Variants in KIAA1549L observed in about 807,000 individuals in gnomAD.
KIAA1549L encodes KIAA1549 like, also known as UPF0606 protein KIAA1549L.
In KIAA1549L, 88 loss-of-function variants were observed where a neutral mutation model predicts 160.7. The ratio of observed to expected loss-of-function variants is 0.55; its 90% CI spans 0.46 to 0.65. The LOEUF (loss-of-function observed/expected upper bound fraction) is 0.65, where lower values mean the gene tolerates loss of function less well. Ranked by LOEUF, KIAA1549L falls within the 30% of genes least tolerant of loss-of-function variation. The pLI, the probability that KIAA1549L is intolerant of heterozygous loss-of-function variation, is 0.00. For missense variants in KIAA1549L, 2,258 were observed against 2,437.5 expected, an observed-to-expected ratio of 0.93 and a Z score of 1.55; for synonymous variants, 950 against 976.7, an observed-to-expected ratio of 0.97 and a Z score of 0.51.
At chr11:33,469,123 T>C (rs1046193081) in intron 1 of KIAA1549L, among the ~76,000 whole-genome samples, 14 of 152,190 alleles carry the variant, frequency 9.2e-5, no homozygotes, top group African/African-American at 3.1e-4. Context: ...GTTGTACAAC[T>C]ATCACCACGA....
At chr11:33,566,149 T>C (rs1288263025) in intron 8 of KIAA1549L, among the ~76,000 whole-genome samples, 1 of 151,948 alleles carries the variant, frequency 6.6e-6, no homozygotes, top group Admixed American at 6.5e-5. Context: ...TTCCAGAACT[T>C]TTTTGTCCCC....
intron 1 of KIAA1549L, among the ~76,000 whole-genome samples, chr11:33,459,893 A>G (rs868673779): frequency 0.012 from 1,662 of 142,096 alleles, 29 homozygotes; most frequent in African/African-American, 0.043. Context: ...CCCGGGAGGC[A>G]GAGCTTGCAG....
At position 33,478,456 on chromosome 11, in the gene KIAA1549L, G is replaced by T. The variant is rs905560528; in HGVS notation, c.239-63346G>T. ...AGGTTTTTTCAAGCTCTGCAGAGCT[G>T]TTATAACCACATGGAGCGGATTTCA... On this transcript the variant is annotated intron_variant, in intron 1 of 20. Transcript: ENST00000658780. 2.0e-5 allele frequency among the ~76,000 whole-genome samples: 3 copies of T among 152,230 alleles called. No homozygotes were observed. In the South Asian group the frequency reaches 6.2e-4, roughly 31 times the overall value.
chr11:33,459,308 T>G, intron 1 of KIAA1549L, among the ~76,000 whole-genome samples: 1 of 152,156 alleles, frequency 6.6e-6, no homozygotes, highest in East Asian at 1.9e-4. Flanking sequence ...CATCTTCAGG[T>G]GTGCATTTTG....
rs1483087715 is a variant in KIAA1549L, at chr11:33,397,643, C to T, written c.238+20754C>T. Among the ~76,000 whole-genome samples, 20 of 149,444 alleles carry T rather than the reference C, an allele frequency of 1.3e-4. No homozygotes were observed. In the East Asian group the frequency reaches 1.7e-3, roughly 12 times the overall value. On this transcript the variant is annotated intron_variant, in intron 1 of 20. Coordinates refer to ENST00000658780, the MANE Select transcript of KIAA1549L (RefSeq NM_012194.3). ...AGGAGAATCTCTTGAACTTGGGAGG[C>T]GGAGGTTGCGGTGAGCCAAGATCGC...
At chr11:33,429,122 C>T (rs1263204882) in intron 1 of KIAA1549L, among the ~76,000 whole-genome samples, 1 of 152,188 alleles carries the variant, frequency 6.6e-6, no homozygotes, top group African/African-American at 2.4e-5. Context: ...CAGGCACCCA[C>T]CACTACCCGC....
At chr11:33,470,060 T>A (rs1420020264) in intron 1 of KIAA1549L, among the ~76,000 whole-genome samples, 1 of 152,230 alleles carries the variant, frequency 6.6e-6, no homozygotes, top group Non-Finnish European at 1.5e-5. Context: ...TTGCTTGTAC[T>A]TTTGGTGTCA....
chr11:33,498,917 G>T (rs573972301), intron 1 of KIAA1549L, among the ~76,000 whole-genome samples: 2 of 152,340 alleles, frequency 1.3e-5, no homozygotes, highest in East Asian at 3.9e-4. Context: ...CAGTGATGGT[G>T]ATGGGGTGGG....
intron 16 of KIAA1549L, among the ~76,000 whole-genome samples, chr11:33,641,573 T>C (rs1851580288): frequency 6.4e-3 from 2 of 312 alleles, no homozygotes; most frequent in Admixed American, 0.016. Context: ...AATGGATCTG[T>C]ATATATATAT....
At chr11:33,397,150 G>A (rs1850392778) in intron 1 of KIAA1549L, among the ~76,000 whole-genome samples, 1 of 149,282 alleles carries the variant, frequency 6.7e-6, no homozygotes, top group African/African-American at 2.5e-5. Context: ...GGCCAATATG[G>A]TGAAACCCCG....
At chr11:33,428,828 G>T (rs1026455655) in intron 1 of KIAA1549L, among the ~76,000 whole-genome samples, 1 of 152,160 alleles carries the variant, frequency 6.6e-6, no homozygotes, top group Admixed American at 6.5e-5. Flanking sequence ...TAGTGGGATC[G>T]CTGGGTCAAA....
At chr11:33,630,192 AC>A (rs1564931737) in intron 16 of KIAA1549L, among the ~76,000 whole-genome samples, 1 of 151,948 alleles carries the variant, frequency 6.6e-6, no homozygotes. Flanking sequence ...AAGCTGTCAG[AC>A]CGGGACATTT....
At chr11:33,566,388 G>C (rs1273226275) in intron 8 of KIAA1549L, among the ~76,000 whole-genome samples, 1 of 152,186 alleles carries the variant, frequency 6.6e-6, no homozygotes, top group Non-Finnish European at 1.5e-5. Context: ...TTCTGTCTGG[G>C]GACAAGAGGT....
chr11:33,516,515 A>C (rs1853346692), intron 1 of KIAA1549L, among the ~76,000 whole-genome samples: 1 of 152,214 alleles, frequency 6.6e-6, no homozygotes, highest in Non-Finnish European at 1.5e-5. Context: ...CCAAATTACC[A>C]CAGCTATATC....
intron 15 of KIAA1549L, among the ~76,000 whole-genome samples, chr11:33,617,862 T>G (rs1850858436): frequency 6.6e-6 from 1 of 151,266 alleles, no homozygotes. Context: ...GATGGACGGA[T>G]GGACAGATGG....
intron 1 of KIAA1549L, among the ~76,000 whole-genome samples, chr11:33,480,481 C>G (rs1436025385): frequency 6.6e-6 from 1 of 152,124 alleles, no homozygotes; most frequent in Admixed American, 6.5e-5. Context: ...TGTGAACACT[C>G]GTGTACAAGT....
At chr11:33,654,525 G>C (rs1390922567) in intron 17 of KIAA1549L, among the ~76,000 whole-genome samples, 1 of 152,170 alleles carries the variant, frequency 6.6e-6, no homozygotes, top group Non-Finnish European at 1.5e-5. Context: ...TGCCTGAGCT[G>C]GGATCATTGC....
intron 1 of KIAA1549L, among the ~76,000 whole-genome samples, chr11:33,532,064 G>A (rs1432616742): frequency 6.6e-6 from 1 of 152,086 alleles, no homozygotes. Context: ...AGAGAGCCTC[G>A]GCTCTGGAGT....
At chr11:33,448,135 G>A (rs897835532) in intron 1 of KIAA1549L, among the ~76,000 whole-genome samples, 1 of 152,152 alleles carries the variant, frequency 6.6e-6, no homozygotes, top group African/African-American at 2.4e-5. Flanking sequence ...AGAACATGCA[G>A]GTTTATGTGG....
Sources: gnomAD v4.1 joint callset for allele counts (sites outside exome capture counted in the v4.1 genomes callset) on GRCh38, gnomAD v4.1.1 for gene constraint, MANE v1.5 for transcripts, NCBI Gene and HGNC (gene_info 2026-07-23, HGNC 2026-07-21) for gene names.